The following PRKCE variants were observed in gnomAD, a reference collection of about 807,000 sequenced individuals.
PRKCE encodes protein kinase C epsilon.
In PRKCE, 16 loss-of-function variants were observed where a neutral mutation model predicts 85.4. That is an observed-to-expected ratio of 0.19 (90% CI 0.13 to 0.28). The LOEUF is 0.28. PRKCE is among the 10% of genes least tolerant of loss of function. PRKCE has a pLI of 1.00. For missense variants in PRKCE, 573 were observed against 975.2 expected, an observed-to-expected ratio of 0.59 and a Z score of 5.49; for synonymous variants, 388 against 371.5, an observed-to-expected ratio of 1.04 and a Z score of -0.51.
chr2:45,706,813 A>G (rs1289389037), intron 1 of PRKCE, among the ~76,000 whole-genome samples: 1 of 152,210 alleles, frequency 6.6e-6, no homozygotes, highest in African/African-American at 2.4e-5. Flanking sequence ...CAATAGCAAG[A>G]AATACCTTTC....
At chr2:45,847,471 G>T (rs1366696298) in intron 2 of PRKCE, among the ~76,000 whole-genome samples, 2 of 152,220 alleles carry the variant, frequency 1.3e-5, no homozygotes, top group Non-Finnish European at 1.5e-5. Context: ...CTTTTTTCAA[G>T]TTGCACAGGC....
intron 1 of PRKCE, among the ~76,000 whole-genome samples, chr2:45,686,630 A>G (rs1012780297): frequency 6.6e-5 from 10 of 152,206 alleles, no homozygotes; most frequent in African/African-American, 2.2e-4. Context: ...ATTCATAGTC[A>G]GGATAAGTGA....
intron 2 of PRKCE, among the ~76,000 whole-genome samples, chr2:45,967,899 A>G (rs537732441): frequency 3.9e-5 from 6 of 152,294 alleles, no homozygotes; most frequent in African/African-American, 1.2e-4. Context: ...CTAATACCTC[A>G]TTCAACCATA....
intron 1 of PRKCE, among the ~76,000 whole-genome samples, chr2:45,783,110 G>A (rs950019905): frequency 1.3e-5 from 2 of 152,168 alleles, no homozygotes; most frequent in Admixed American, 1.3e-4. Flanking sequence ...GCACTCCCAG[G>A]CTGGTGCTTG....
intron 1 of PRKCE, among the ~76,000 whole-genome samples, chr2:45,716,840 G>A (rs1042909268): frequency 1.1e-4 from 17 of 152,048 alleles, no homozygotes; most frequent in African/African-American, 3.4e-4. Context: ...CAATCATGGC[G>A]GAAGAGGAAG....
chr2:45,908,615 G>A (rs1363260414), intron 2 of PRKCE, among the ~76,000 whole-genome samples: 1 of 152,128 alleles, frequency 6.6e-6, no homozygotes, highest in Non-Finnish European at 1.5e-5. Context: ...GGGTCCTGAG[G>A]ATGCACTGGT....
Position 46,110,624 on chromosome 2 carries a change from CT to C in PRKCE, c.1592+24273del, listed in dbSNP as rs1221232448. ...CTATAGTCTTGTCAATATTCTTAGTCTTTTTTTTTTTAAAGCGGCTTTTGGT... is the reference window on the plus strand; with the variant it reads ...CTATAGTCTTGTCAATATTCTTAGTCTTTTTTTTTTAAAGCGGCTTTTGGT... On this transcript the variant is annotated intron_variant, in intron 11 of 14. Coordinates refer to ENST00000306156, the MANE Select transcript of PRKCE (RefSeq NM_005400.3). Among the ~76,000 whole-genome samples, 1,449 of 145,884 alleles carry C rather than the reference CT, an allele frequency of 9.9e-3. 20 individuals are homozygous for C. The highest frequency in any genetic ancestry group is 0.032 in the African/African-American group (1,293 of 40,136).
chr2:45,764,347 G>A (rs1160628018), intron 1 of PRKCE, among the ~76,000 whole-genome samples: 1 of 152,198 alleles, frequency 6.6e-6, no homozygotes, highest in Non-Finnish European at 1.5e-5. Flanking sequence ...GCTTATAAAT[G>A]AAGGCAGAAG....
chr2:45,903,888 T>TTTG (rs60484206), intron 2 of PRKCE, among the ~76,000 whole-genome samples: 916 of 65,078 alleles, frequency 0.014, 55 homozygotes, highest in African/African-American at 0.065. Context: ...GCAGTTTTTT[T>TTTG]TTGTTTGTTT....
At chr2:46,018,958 A>C (rs1188173962) in intron 10 of PRKCE, among the ~76,000 whole-genome samples, 1 of 152,254 alleles carries the variant, frequency 6.6e-6, no homozygotes, top group East Asian at 1.9e-4. Context: ...TGCTCTGCCC[A>C]GTGCTGGCCA....
intron 2 of PRKCE, among the ~76,000 whole-genome samples, chr2:45,850,847 C>T (rs1025937488): frequency 2.6e-5 from 4 of 152,198 alleles, no homozygotes; most frequent in African/African-American, 9.6e-5. Flanking sequence ...TCCCCCTCAT[C>T]CTCCATTTCT....
At chr2:45,846,317 A>G (rs998781398) in intron 2 of PRKCE, among the ~76,000 whole-genome samples, 2 of 152,174 alleles carry the variant, frequency 1.3e-5, no homozygotes, top group African/African-American at 4.8e-5. Flanking sequence ...GCAATGCCCC[A>G]TGATTCACAG....
At chr2:45,944,380 G>A (rs549595970) in intron 2 of PRKCE, among the ~76,000 whole-genome samples, 3 of 152,294 alleles carry the variant, frequency 2.0e-5, no homozygotes, top group Admixed American at 2.0e-4. Flanking sequence ...CTAAGGCACA[G>A]CTCAGACTGG....
At chr2:46,128,157 C>T (rs1256046579) in intron 11 of PRKCE, among the ~76,000 whole-genome samples, 1 of 152,168 alleles carries the variant, frequency 6.6e-6, no homozygotes, top group South Asian at 2.1e-4. Context: ...GGTTCCCCCT[C>T]TAGTTTTTGT....
Position 45,795,108 on chromosome 2 carries a change from G to A in PRKCE, c.349-47892G>A, listed in dbSNP as rs1573386174. Among the ~76,000 whole-genome samples, 4 of 152,232 alleles carry A rather than the reference G, an allele frequency of 2.6e-5. No homozygotes were observed. The South Asian group carries it at 8.3e-4, about 32-fold the overall frequency. ...CTCCTTCTTGAGGTCCCCCACGGGGGTTTCCAGAGACTGCAGCATCCATGC... is the reference window on the plus strand; with the variant it reads ...CTCCTTCTTGAGGTCCCCCACGGGGATTTCCAGAGACTGCAGCATCCATGC... On this transcript the variant is annotated intron_variant, in intron 1 of 14. Coordinates refer to ENST00000306156, the MANE Select transcript of PRKCE (RefSeq NM_005400.3).
chr2:45,901,213 G>A (rs1441489257), intron 2 of PRKCE, among the ~76,000 whole-genome samples: 3 of 152,154 alleles, frequency 2.0e-5, no homozygotes, highest in African/African-American at 7.2e-5. Context: ...CCAGAACTTA[G>A]TACAAATTGT....
Position 46,159,787 on chromosome 2 carries a change from G to T in PRKCE, c.2067+35G>T, listed in dbSNP as rs1288986601. The stretch of plus-strand genomic sequence containing the variant: ...TCCCCGTGCACGTTCAGCACCATGG[G>T]TCGGGCCCAGGTACTTGCAGGACAG... On this transcript the variant is annotated intron_variant, in intron 14 of 14. Coordinates refer to ENST00000306156, the MANE Select transcript of PRKCE (RefSeq NM_005400.3). This position sits in a 1 kb window ranked among gnomAD's most constrained non-coding sequence, Gnocchi z 4.1. 2 of 1,596,280 alleles carry T rather than the reference G, an allele frequency of 1.3e-6. No individual in the cohort carries two copies. Among genetic ancestry groups the T allele is most frequent in the Non-Finnish European group, 1.7e-6 (2 of 1,178,766 alleles).
Position 46,186,573 on chromosome 2 carries a change from A to T in PRKCE, c.*1692A>T, listed in dbSNP as rs1220994593. 6.6e-6 allele frequency: 1 copy of T among 150,726 alleles called. No individual in the cohort carries two copies. The highest frequency in any genetic ancestry group is 1.5e-5 in the Non-Finnish European group (1 of 67,498). 9.3% of individuals were successfully genotyped at this position (150,726 alleles called of 1,614,324 possible). A position where few individuals can be genotyped will look rare whatever the true frequency, so the allele number is the denominator to read the frequency against. On this transcript the variant is annotated 3_prime_UTR_variant, in exon 15 of 15. Coordinates refer to ENST00000306156, the MANE Select transcript of PRKCE (RefSeq NM_005400.3). The stretch of plus-strand genomic sequence containing the variant: ...AGATAGGTGTGTTCCTTTATGGGGG[A>T]TGGGGGGGTGTGTTGGGGATTCTTT...
chr2:45,772,934 C>T (rs565049035), intron 1 of PRKCE, among the ~76,000 whole-genome samples: 3 of 152,152 alleles, frequency 2.0e-5, no homozygotes, highest in South Asian at 4.2e-4. Flanking sequence ...TTAGACTGGC[C>T]CGAATGGAGT....
Sources: gnomAD v4.1 joint callset for allele counts (sites outside exome capture counted in the v4.1 genomes callset) on GRCh38, gnomAD v4.1.1 for gene constraint, Gnocchi (gnomAD v3.1) non-coding constraint, MANE v1.5 for transcripts, NCBI Gene and HGNC (gene_info 2026-07-23, HGNC 2026-07-21) for gene names.